Variants in NR3C2 observed in about 807,000 individuals in gnomAD.
NR3C2 encodes nuclear receptor subfamily 3 group C member 2, also known as mineralocorticoid receptor.
A neutral mutation model predicts 86.4 loss-of-function variants in NR3C2; 15 were observed. The observed-to-expected ratio is 0.17, with a 90% CI of 0.12 to 0.27. The LOEUF (loss-of-function observed/expected upper bound fraction) is 0.27, where lower values mean the gene tolerates loss of function less well. NR3C2 is among the 10% of genes least tolerant of loss of function. The probability of loss-of-function intolerance (pLI) is 1.00; values close to 1 mark genes in which losing one functional copy is unlikely to be tolerated. For synonymous variants in NR3C2, 458 were observed against 450.5 expected, an observed-to-expected ratio of 1.02 and a Z score of -0.21; for missense variants, 960 against 1,195.6, an observed-to-expected ratio of 0.80 and a Z score of 2.91.
intron 2 of NR3C2, among the ~76,000 whole-genome samples, chr4:148,397,491 C>T (rs181802214): frequency 1.5e-3 from 236 of 152,296 alleles, no homozygotes; most frequent in African/African-American, 5.2e-3. Flanking sequence ...ATCTCTCAGA[C>T]GGGAATCCTG....
chr4:148,332,030 A>G (rs1265529498), intron 2 of NR3C2, among the ~76,000 whole-genome samples: 1 of 152,200 alleles, frequency 6.6e-6, no homozygotes, highest in African/African-American at 2.4e-5. Context: ...ATTGGAAAGA[A>G]TTTTCTGAAA....
chr4:148,378,552 T>C (rs1382970985), intron 2 of NR3C2, among the ~76,000 whole-genome samples: 4 of 152,174 alleles, frequency 2.6e-5, no homozygotes, highest in African/African-American at 9.6e-5. Context: ...TTTGGTGCTG[T>C]TCTCCTGATA....
intron 4 of NR3C2, among the ~76,000 whole-genome samples, chr4:148,159,438 A>G (rs1436663665): frequency 6.6e-6 from 1 of 152,206 alleles, no homozygotes; most frequent in Non-Finnish European, 1.5e-5. Flanking sequence ...AGCTAAATGT[A>G]TTTGGCATTT....
chr4:148,093,283 C>T lies in NR3C2; in HGVS notation c.2800-11784G>A, dbSNP rs183600397. Among the ~76,000 whole-genome samples the T allele has an allele frequency of 1.5e-4, 23 of 152,290 alleles. No homozygotes were observed. The East Asian group carries it at 1.5e-3, about 10-fold the overall frequency. On this transcript the variant is annotated intron_variant, in intron 8 of 8. Coordinates refer to ENST00000358102, the MANE Select transcript of NR3C2 (RefSeq NM_000901.5). ...ACAAGTCATTGCTGGGGCAGGCCAGCGGCCACTCCCCGCTCTCCCTGCTCG... is the reference window on the plus strand; with the variant it reads ...ACAAGTCATTGCTGGGGCAGGCCAGTGGCCACTCCCCGCTCTCCCTGCTCG...
At chr4:148,136,077 C>CAA (rs1213471911) in intron 6 of NR3C2, among the ~76,000 whole-genome samples, 3 of 28,906 alleles carry the variant, frequency 1.0e-4, no homozygotes, top group African/African-American at 2.5e-4. Flanking sequence ...AAAAAAAAAA[C>CAA]AAAAAAAAAA....
intron 2 of NR3C2, among the ~76,000 whole-genome samples, chr4:148,338,469 A>C (rs757194057): frequency 3.3e-5 from 5 of 152,212 alleles, no homozygotes; most frequent in Non-Finnish European, 7.3e-5. Context: ...TATGCACTTC[A>C]TTTTGCCAGT....
At chr4:148,423,988 T>C (rs1355610396) in intron 2 of NR3C2, among the ~76,000 whole-genome samples, 4 of 152,202 alleles carry the variant, frequency 2.6e-5, no homozygotes, top group Admixed American at 6.5e-5. Flanking sequence ...GCTAGGATTA[T>C]AGGCGTGAGC....
intron 8 of NR3C2, among the ~76,000 whole-genome samples, chr4:148,089,065 C>G (rs1730947261): frequency 6.6e-6 from 1 of 152,170 alleles, no homozygotes; most frequent in Non-Finnish European, 1.5e-5. Flanking sequence ...GTATCTGTAA[C>G]TTACCCTGAT....
chr4:148,225,303 G>C (rs1445515692), intron 3 of NR3C2, among the ~76,000 whole-genome samples: 1 of 152,128 alleles, frequency 6.6e-6, no homozygotes, highest in Admixed American at 6.5e-5. Flanking sequence ...AATGACAGGT[G>C]AAAGAGTGGT....
chr4:148,417,533 G>A (rs1401305866), intron 2 of NR3C2, among the ~76,000 whole-genome samples: 1 of 152,130 alleles, frequency 6.6e-6, no homozygotes, highest in Non-Finnish European at 1.5e-5. Context: ...TTATCTTCAT[G>A]CAGTTTTTAG....
intron 3 of NR3C2, among the ~76,000 whole-genome samples, chr4:148,202,624 T>C (rs1736782285): frequency 6.6e-6 from 1 of 152,228 alleles, no homozygotes; most frequent in East Asian, 1.9e-4. Context: ...ACTCAATTTG[T>C]TCAGAATCCG....
At chr4:148,311,365 C>A (rs1367990043) in intron 2 of NR3C2, among the ~76,000 whole-genome samples, 1 of 152,206 alleles carries the variant, frequency 6.6e-6, no homozygotes, top group Non-Finnish European at 1.5e-5. Context: ...TCCAAACCTG[C>A]AGCAATCTTC....
intron 2 of NR3C2, among the ~76,000 whole-genome samples, chr4:148,323,620 C>T (rs535151310): frequency 6.6e-6 from 1 of 152,066 alleles, no homozygotes; most frequent in Non-Finnish European, 1.5e-5. Context: ...GCGCAGTATT[C>T]GGGTGGGAGT....
intron 2 of NR3C2, among the ~76,000 whole-genome samples, chr4:148,273,478 TTA>T: frequency 6.6e-6 from 1 of 152,330 alleles, no homozygotes; most frequent in South Asian, 2.1e-4. Context: ...CTAAATTTTT[TTA>T]TATATAGTAA....
At chr4:148,442,812 C>G, upstream of NR3C2, 5 of 985,438 alleles carry the variant, frequency 5.1e-6, no homozygotes, top group Non-Finnish European at 6.0e-6. Context: ...CATCGCTCGG[C>G]CGCCCCAAAC....
At chr4:148,304,234 T>G (rs181279452) in intron 2 of NR3C2, among the ~76,000 whole-genome samples, 14 of 152,196 alleles carry the variant, frequency 9.2e-5, no homozygotes, top group African/African-American at 2.6e-4. Flanking sequence ...AAAAGTTAAT[T>G]TCTCAAACCT....
chr4:148,358,941 A>G (rs1167590124), intron 2 of NR3C2, among the ~76,000 whole-genome samples: 1 of 143,454 alleles, frequency 7.0e-6, no homozygotes, highest in African/African-American at 2.6e-5. Flanking sequence ...ATCACATAAA[A>G]TAAGCTAAAC....
At chr4:148,365,951 T>C (rs929886868) in intron 2 of NR3C2, among the ~76,000 whole-genome samples, 1 of 152,178 alleles carries the variant, frequency 6.6e-6, no homozygotes, top group African/African-American at 2.4e-5. Flanking sequence ...AGAAATTTTT[T>C]AAGTATTTCA....
chr4:148,309,130 C>T lies in NR3C2; in HGVS notation c.1758-49013G>A, dbSNP rs543798654. On this transcript the variant is annotated intron_variant, in intron 2 of 8. Transcript: ENST00000358102. ...ACGTATCAAAACATCACTGTGTACCCTCTGAACAGGTATGATTATTATGTG... is the reference window on the plus strand; with the variant it reads ...ACGTATCAAAACATCACTGTGTACCTTCTGAACAGGTATGATTATTATGTG... Among the ~76,000 whole-genome samples the T allele has an allele frequency of 4.6e-5, 7 of 152,026 alleles. No individual in the cohort carries two copies. In the South Asian group the frequency reaches 1.5e-3, roughly 32 times the overall value.
Sources: allele counts gnomAD v4.1 joint callset (sites outside exome capture counted in the v4.1 genomes callset), GRCh38; gene constraint gnomAD v4.1.1; transcripts MANE v1.5; gene names NCBI Gene and HGNC (gene_info 2026-07-23, HGNC 2026-07-21).